Variants in MAPK8 observed in about 807,000 individuals in gnomAD.
MAPK8 encodes the protein mitogen-activated protein kinase 8, also known as JUN N-terminal kinase.
MAPK8 carries 13 observed loss-of-function variants against 52.9 expected under a neutral mutation model. That is an observed-to-expected ratio of 0.25 (90% CI 0.16 to 0.39). The LOEUF (loss-of-function observed/expected upper bound fraction) is 0.39, where lower values mean the gene tolerates loss of function less well. MAPK8 is among the 10% of genes least tolerant of loss of function. The probability of loss-of-function intolerance (pLI) is 1.00; values close to 1 mark genes in which losing one functional copy is unlikely to be tolerated. For synonymous variants in MAPK8, 191 were observed against 169.8 expected, an observed-to-expected ratio of 1.12 and a Z score of -0.97; for missense variants, 300 against 519.2, an observed-to-expected ratio of 0.58 and a Z score of 4.10.
At chr10:48,409,962 T>G in intron 4 of MAPK8, 25 bp downstream of exon 4, 3 of 1,609,724 alleles carry the variant, frequency 1.9e-6, no homozygotes, top group Non-Finnish European at 1.7e-6. Flanking sequence ...TAAAATTTTG[T>G]TAAGTTAGTA....
At chr10:48,325,463 A>G (rs1362362340) in intron 1 of MAPK8, among the ~76,000 whole-genome samples, 1 of 152,190 alleles carries the variant, frequency 6.6e-6, no homozygotes, top group Admixed American at 6.5e-5. Flanking sequence ...TCTCTGTATC[A>G]CAGGGATTTT....
intron 1 of MAPK8, among the ~76,000 whole-genome samples, chr10:48,339,829 ATGAAAT>A (rs1280251750): frequency 1.3e-5 from 2 of 152,352 alleles, no homozygotes; most frequent in African/African-American, 2.4e-5. Flanking sequence ...CATCAGAGAA[ATGAAAT>A]TGAAACCACA....
intron 5 of MAPK8, among the ~76,000 whole-genome samples, chr10:48,413,747 T>C (rs2042886208): frequency 6.9e-6 from 1 of 144,668 alleles, no homozygotes; most frequent in African/African-American, 2.6e-5. Flanking sequence ...ACTGCTGTTA[T>C]TACCAGTCAT....
At chr10:48,331,212 C>T (rs896858889) in intron 1 of MAPK8, among the ~76,000 whole-genome samples, 5 of 152,098 alleles carry the variant, frequency 3.3e-5, no homozygotes, top group Non-Finnish European at 5.9e-5. Flanking sequence ...TATCTGCCTG[C>T]GAGAGCTATC....
intron 1 of MAPK8, among the ~76,000 whole-genome samples, chr10:48,315,293 CAGTCCAATA>C (rs1046305847): frequency 3.3e-5 from 5 of 152,178 alleles, no homozygotes; most frequent in African/African-American, 1.2e-4. Context: ...ACAAGCATTA[CAGTCCAATA>C]AGTTTGCCTT....
intron 1 of MAPK8, among the ~76,000 whole-genome samples, chr10:48,312,303 G>A (rs1328995492): frequency 6.6e-6 from 1 of 152,220 alleles, no homozygotes; most frequent in African/African-American, 2.4e-5. Context: ...AAAGCTGACA[G>A]TAGAAAAGAT....
At chr10:48,427,056 T>C in intron 9 of MAPK8, 24 bp from the exon 10 acceptor site, 2 of 1,594,900 alleles carry the variant, frequency 1.3e-6, no homozygotes, top group South Asian at 2.2e-5. Context: ...ACTGACTTGG[T>C]TATTATTGCC....
intron 1 of MAPK8, among the ~76,000 whole-genome samples, chr10:48,363,836 T>C (rs915000841): frequency 2.6e-5 from 4 of 152,188 alleles, no homozygotes; most frequent in Admixed American, 6.5e-5. Flanking sequence ...TTTACATATA[T>C]GTGATGGCAG....
At chr10:48,315,272 C>T (rs1210849432) in intron 1 of MAPK8, among the ~76,000 whole-genome samples, 1 of 152,168 alleles carries the variant, frequency 6.6e-6, no homozygotes, top group Non-Finnish European at 1.5e-5. Flanking sequence ...AAATTATGCA[C>T]AGCTAGATGC....
intron 1 of MAPK8, among the ~76,000 whole-genome samples, chr10:48,348,855 G>A (rs1051086696): frequency 1.3e-5 from 2 of 151,424 alleles, no homozygotes; most frequent in African/African-American, 4.9e-5. Flanking sequence ...GCTTAGGATT[G>A]TCTTGGCTAT....
chr10:48,370,872 A>G (rs922997632), intron 1 of MAPK8, among the ~76,000 whole-genome samples: 4 of 152,142 alleles, frequency 2.6e-5, no homozygotes, highest in Admixed American at 1.3e-4. Context: ...AAATTGGGAG[A>G]TTATAATTGA....
chr10:48,312,523 A>C (rs1286435075), intron 1 of MAPK8, among the ~76,000 whole-genome samples: 1 of 152,194 alleles, frequency 6.6e-6, no homozygotes, highest in Non-Finnish European at 1.5e-5. Flanking sequence ...GCCACACACA[A>C]GCACTTGCTT....
chr10:48,398,166 ATTG>A, intron 1 of MAPK8, among the ~76,000 whole-genome samples: 1 of 152,182 alleles, frequency 6.6e-6, no homozygotes, highest in Non-Finnish European at 1.5e-5. Flanking sequence ...ATAAAAAGAC[ATTG>A]TTAAGAAAAT....
At chr10:48,428,637 A>C (rs769771977) in intron 10 of MAPK8, among the ~76,000 whole-genome samples, 9 of 152,264 alleles carry the variant, frequency 5.9e-5, no homozygotes, top group Admixed American at 1.3e-4. Context: ...GAAGAATGAC[A>C]AAATGATAAA....
intron 1 of MAPK8, among the ~76,000 whole-genome samples, chr10:48,353,040 A>G (rs1846490710): frequency 6.6e-6 from 1 of 152,256 alleles, no homozygotes; most frequent in African/African-American, 2.4e-5. Context: ...CAGTCTAACA[A>G]GACATGCATA....
intron 1 of MAPK8, among the ~76,000 whole-genome samples, chr10:48,317,329 G>A (rs1432200293): frequency 6.6e-6 from 1 of 151,998 alleles, no homozygotes; most frequent in Non-Finnish European, 1.5e-5. Context: ...CTCGGCTGGC[G>A]AATTTTTAAG....
intron 1 of MAPK8, among the ~76,000 whole-genome samples, chr10:48,378,343 G>A (rs2040795046): frequency 6.6e-6 from 1 of 152,166 alleles, no homozygotes; most frequent in African/African-American, 2.4e-5. Flanking sequence ...GTAAGTCATT[G>A]CTTGTTGAAT....
intron 1 of MAPK8, among the ~76,000 whole-genome samples, chr10:48,381,409 A>G (rs1365003408): frequency 6.6e-6 from 1 of 150,916 alleles, no homozygotes; most frequent in Non-Finnish European, 1.5e-5. Context: ...TCCTACTTTC[A>G]TTGTATACTT....
intron 1 of MAPK8, among the ~76,000 whole-genome samples, chr10:48,400,555 A>C (rs374900377): frequency 2.0e-4 from 30 of 152,306 alleles, no homozygotes; most frequent in Non-Finnish European, 2.5e-4. Context: ...TGCTCTCTCC[A>C]GTGGCTCACC....
Sources: allele counts gnomAD v4.1 joint callset (sites outside exome capture counted in the v4.1 genomes callset), GRCh38; gene constraint gnomAD v4.1.1; transcripts MANE v1.5; gene names NCBI Gene and HGNC (gene_info 2026-07-23, HGNC 2026-07-21).